Variants in SMAP1 observed in about 807,000 individuals in gnomAD.
The protein encoded by SMAP1 is small ArfGAP 1, also known as stromal membrane-associated protein 1.
SMAP1 carries 24 observed loss-of-function variants against 58.5 expected under a neutral mutation model. The ratio of observed to expected loss-of-function variants is 0.41; its 90% CI spans 0.30 to 0.58. SMAP1 has a LOEUF of 0.58. SMAP1 is among the 20% of genes least tolerant of loss of function. The pLI is 0.29. For missense variants in SMAP1, 563 were observed against 566.3 expected, an observed-to-expected ratio of 0.99 and a Z score of 0.06; for synonymous variants, 216 against 196.6, an observed-to-expected ratio of 1.10 and a Z score of -0.82.
intron 1 of SMAP1, among the ~76,000 whole-genome samples, chr6:70,709,279 A>G (rs1441156974): frequency 6.6e-6 from 1 of 151,908 alleles, no homozygotes; most frequent in Non-Finnish European, 1.5e-5. Flanking sequence ...GTCTGTGTCT[A>G]TTTTCATGCC....
chr6:70,706,993 T>C (rs1266632610), intron 1 of SMAP1, among the ~76,000 whole-genome samples: 1 of 152,206 alleles, frequency 6.6e-6, no homozygotes, highest in African/African-American at 2.4e-5. Flanking sequence ...CTGTTTTGTA[T>C]TTTGCCACAT....
intron 1 of SMAP1, among the ~76,000 whole-genome samples, chr6:70,674,048 T>C (rs1581976468): frequency 1.3e-5 from 2 of 152,236 alleles, no homozygotes; most frequent in East Asian, 3.9e-4. Flanking sequence ...GAATCCATGC[T>C]CTCTTTAAGG....
At chr6:70,786,597 T>G (rs985357926) in intron 4 of SMAP1, among the ~76,000 whole-genome samples, 2 of 151,902 alleles carry the variant, frequency 1.3e-5, no homozygotes, top group African/African-American at 4.8e-5. Context: ...ATAAGCAACT[T>G]CAGCAAAGTC....
intron 6 of SMAP1, among the ~76,000 whole-genome samples, chr6:70,824,244 C>T (rs1379654664): frequency 6.6e-6 from 1 of 152,042 alleles, no homozygotes. Context: ...GCTTGCTGGA[C>T]CAGAAGTGGA....
chr6:70,858,871 A>T (rs1188475410), intron 10 of SMAP1: 1 of 153,294 alleles, frequency 6.5e-6, no homozygotes, highest in Non-Finnish European at 1.5e-5. Flanking sequence ...TGTGAACCAG[A>T]CATCCCCTCA....
At chr6:70,680,463 A>G (rs1214336147) in intron 1 of SMAP1, among the ~76,000 whole-genome samples, 2 of 152,204 alleles carry the variant, frequency 1.3e-5, no homozygotes, top group East Asian at 3.8e-4. Context: ...GCAACTTAAT[A>G]ATAAGACAAA....
intron 7 of SMAP1, among the ~76,000 whole-genome samples, chr6:70,851,991 T>C (rs1191013249): frequency 6.6e-6 from 1 of 152,154 alleles, no homozygotes; most frequent in East Asian, 1.9e-4. Context: ...AAACATAACA[T>C]TTCAGATGTT....
At chr6:70,680,352 T>C (rs1766648885) in intron 1 of SMAP1, among the ~76,000 whole-genome samples, 1 of 152,206 alleles carries the variant, frequency 6.6e-6, no homozygotes, top group South Asian at 2.1e-4. Context: ...TCATTAAAAT[T>C]AAAAACTTTT....
At chr6:70,750,046 T>C (rs1374279094) in intron 2 of SMAP1, among the ~76,000 whole-genome samples, 4 of 152,172 alleles carry the variant, frequency 2.6e-5, no homozygotes, top group African/African-American at 9.7e-5. Flanking sequence ...ATTTTGCCTC[T>C]TATTATATTT....
At chr6:70,840,200 A>G (rs1770750441) in intron 7 of SMAP1, among the ~76,000 whole-genome samples, 1 of 152,230 alleles carries the variant, frequency 6.6e-6, no homozygotes, top group South Asian at 2.1e-4. Flanking sequence ...TAACACAGCT[A>G]TGGATCCTTG....
intron 4 of SMAP1, among the ~76,000 whole-genome samples, chr6:70,782,742 C>A (rs748420975): frequency 2.0e-5 from 3 of 152,172 alleles, no homozygotes; most frequent in Non-Finnish European, 2.9e-5. Context: ...CTCTGTTTCT[C>A]TGAGTGAGGG....
intron 7 of SMAP1, among the ~76,000 whole-genome samples, chr6:70,844,042 A>G (rs1275148566): frequency 6.6e-6 from 1 of 152,172 alleles, no homozygotes; most frequent in South Asian, 2.1e-4. Context: ...AGAGGGAAAC[A>G]GTGATTGCAA....
At chr6:70,793,817 C>T (rs2149946759) in intron 5 of SMAP1, among the ~76,000 whole-genome samples, 1 of 152,174 alleles carries the variant, frequency 6.6e-6, no homozygotes, top group East Asian at 1.9e-4. Context: ...CCACTGCAAC[C>T]TCCGCCTCCC....
intron 1 of SMAP1, among the ~76,000 whole-genome samples, chr6:70,714,357 T>C (rs1768178413): frequency 6.6e-6 from 1 of 152,140 alleles, no homozygotes; most frequent in South Asian, 2.1e-4. Context: ...AATGCTGTGA[T>C]TCTTTGTGTA....
intron 4 of SMAP1, among the ~76,000 whole-genome samples, chr6:70,788,357 G>A (rs1358260008): frequency 6.7e-6 from 1 of 150,008 alleles, no homozygotes; most frequent in Non-Finnish European, 1.5e-5. Context: ...GCTAAATGAC[G>A]AGTTAATGGG....
chr6:70,821,166 A>C lies in SMAP1; in HGVS notation c.577-15775A>C, dbSNP rs186047752. Among the ~76,000 whole-genome samples the C allele has an allele frequency of 1.3e-4, 20 of 152,266 alleles. No homozygotes were observed. The East Asian group carries it at 3.9e-3, about 29-fold the overall frequency. On this transcript the variant is annotated intron_variant, in intron 6 of 10. Transcript: ENST00000370455. Reference sequence around the variant, plus strand: ...AATCACTATTTAGATTTATATCAACAAGATTAAGTTTTGTCTGTTTTTGAG... The same window carrying C: ...AATCACTATTTAGATTTATATCAACCAGATTAAGTTTTGTCTGTTTTTGAG...
intron 1 of SMAP1, among the ~76,000 whole-genome samples, chr6:70,729,517 A>T (rs1354671187): frequency 7.3e-6 from 1 of 136,956 alleles, no homozygotes; most frequent in Non-Finnish European, 1.6e-5. Flanking sequence ...ATCCAGTTTG[A>T]ACTTTAGTCC....
intron 2 of SMAP1, among the ~76,000 whole-genome samples, chr6:70,739,565 C>T (rs1057443532): frequency 4.6e-5 from 7 of 151,978 alleles, no homozygotes; most frequent in Non-Finnish European, 5.9e-5. Flanking sequence ...ACCAAAAATA[C>T]CTACATATGG....
chr6:70,851,289 A>G (rs1043944759), intron 7 of SMAP1, among the ~76,000 whole-genome samples: 12 of 152,176 alleles, frequency 7.9e-5, no homozygotes, highest in Non-Finnish European at 1.5e-4. Flanking sequence ...AAAGATACCA[A>G]TTTCTCTAGT....
Sources: gnomAD v4.1 joint callset for allele counts (sites outside exome capture counted in the v4.1 genomes callset) on GRCh38, gnomAD v4.1.1 for gene constraint, MANE v1.5 for transcripts, NCBI Gene and HGNC (gene_info 2026-07-23, HGNC 2026-07-21) for gene names.